Variants in GYS1 observed in about 807,000 individuals in gnomAD.
GYS1 encodes glycogen [starch] synthase, muscle.
GYS1 carries 60 observed loss-of-function variants against 89.1 expected under a neutral mutation model. That is an observed-to-expected ratio of 0.67 (90% confidence interval 0.55 to 0.84). GYS1 has a LOEUF of 0.84. GYS1 is among the 40% of genes least tolerant of loss of function. The pLI is 0.00. For missense variants in GYS1, 888 were observed against 1,003.1 expected, an observed-to-expected ratio of 0.89 and a Z score of 1.55; for synonymous variants, 366 against 401.7, an observed-to-expected ratio of 0.91 and a Z score of 1.06.
chr19:48,975,474 G>A (rs2038631384), intron 10 of GYS1, among the ~76,000 whole-genome samples: 1 of 151,968 alleles, frequency 6.6e-6, no homozygotes, highest in African/African-American at 2.4e-5. Flanking sequence ...TTACCTCCAA[G>A]GACTATGAGG....
intron 6 of GYS1, 126 bp downstream of exon 6, chr19:48,982,594 G>A (rs945661711): frequency 2.4e-5 from 21 of 871,252 alleles, no homozygotes; most frequent in Non-Finnish European, 3.4e-5. Flanking sequence ...TAAGGAGGCC[G>A]AATACCCAGG....
At position 48,974,324 on chromosome 19, in the gene GYS1, C is replaced by T; in HGVS notation, c.1438G>A (p.Glu480Lys). ...AGGGGGCTTGTGGAGGAGAGGAACT[C>T]CGGGTGGAAAATCACCTGGTAGTGA... ...ADRVKVIFHP[E>K]FLSSTSPLLP... The change falls in exon 12 of 16, where the codon GAG (glutamate) becomes AAG (lysine). Residue 480 changes from glutamate to lysine, a missense_variant. Transcript: ENST00000323798. The T allele has an allele frequency of 6.2e-7, 1 of 1,614,060 alleles. No homozygotes were observed. The highest frequency in any genetic ancestry group is 8.5e-7 in the Non-Finnish European group (1 of 1,179,990).
chr19:48,977,211 T>A (rs2038668633), intron 10 of GYS1, among the ~76,000 whole-genome samples: 1 of 152,146 alleles, frequency 6.6e-6, no homozygotes, highest in Non-Finnish European at 1.5e-5. Context: ...TCTCAAGTGA[T>A]CTTCCTGCTT....
intron 12 of GYS1, among the ~76,000 whole-genome samples, chr19:48,973,380 T>C (rs2122472205): frequency 6.6e-6 from 1 of 152,026 alleles, no homozygotes; most frequent in East Asian, 1.9e-4. Context: ...TCAATCTATC[T>C]ATAAAACAAG....
At position 48,976,954 on chromosome 19, in the gene GYS1, C is replaced by A. The variant is rs111378756; in HGVS notation, c.1308+970G>T. 3.6e-3 allele frequency among the ~76,000 whole-genome samples: 540 copies of A among 151,970 alleles called. 5 individuals carry two copies. Among genetic ancestry groups the A allele is most frequent in the African/African-American group, 0.013 (518 of 41,420 alleles). On this transcript the variant is annotated intron_variant, in intron 10 of 15. Coordinates refer to ENST00000323798, the MANE Select transcript of GYS1 (RefSeq NM_002103.5). ...CAGGTGTATGCCACTATGCCCAGCT[C>A]ATTTTTGTATTTTTGGTAGAGACAG...
chr19:48,981,436 C>A lies in GYS1; in HGVS notation c.1169+94G>T. ...AAAAACAAACAAACAAACAAACAAA[C>A]AAAACAAAAAACTGAGACTCTAGGA... On this transcript the variant is annotated intron_variant, in intron 8 of 15. Coordinates refer to ENST00000323798, the MANE Select transcript of GYS1 (RefSeq NM_002103.5). The A allele has an allele frequency of 3.8e-6, 3 of 782,820 alleles. No homozygotes were observed. The South Asian group carries it at 4.2e-5, about 11-fold the overall frequency. 48.5% of individuals were successfully genotyped at this position (782,820 alleles called of 1,614,324 possible).
Position 48,982,244 on chromosome 19 carries a change from C to T in GYS1, c.1062+11G>A, listed in dbSNP as rs372515021. Reference sequence around the variant, plus strand: ...CTTGCCCTCCCTGTCCCCTCATAGCCCAGGCCTCACTCTGAGCAGATAGTT... The same window carrying T: ...CTTGCCCTCCCTGTCCCCTCATAGCTCAGGCCTCACTCTGAGCAGATAGTT... On this transcript the variant is annotated intron_variant, in intron 7 of 15. Transcript: ENST00000323798. 9 of 1,613,092 alleles carry T rather than the reference C, an allele frequency of 5.6e-6. No individual in the cohort carries two copies. Among genetic ancestry groups the T allele is most frequent in the Non-Finnish European group, 5.9e-6 (7 of 1,179,522 alleles).
Position 48,982,380 on chromosome 19 carries a change from A to G in GYS1, c.942-5T>C. 1 of 1,613,856 alleles carries G rather than the reference A, an allele frequency of 6.2e-7. No homozygotes were observed. The highest frequency in any genetic ancestry group is 8.5e-7 in the Non-Finnish European group (1 of 1,179,848). On this transcript the variant is annotated splice_polypyrimidine_tract_variant and splice_region_variant and intron_variant, in intron 6 of 15. Coordinates refer to ENST00000323798, the MANE Select transcript of GYS1 (RefSeq NM_002103.5). ...TCCAAGTTGAAGTCCAGATGCCTAA[A>G]GAACCCACAAGGCACGGTAAAGCCC... is the stretch of plus-strand genomic sequence containing the variant.
rs146010771 is a variant in GYS1 at position 48,986,736 on chromosome 19, A to C, written c.492+458T>G. Among the ~76,000 whole-genome samples, 424 of 152,042 alleles carry C rather than the reference A, an allele frequency of 2.8e-3. 1 individual carries two copies. Among genetic ancestry groups the C allele is most frequent in the Middle Eastern group, 0.014 (4 of 294 alleles). ...CATCTTGAACTCCTGGCCTCACGTG[A>C]TCTTCCCCCATCGGCCTCCCAAAGT... is the stretch of plus-strand genomic sequence containing the variant. On this transcript the variant is annotated intron_variant, in intron 3 of 15. Coordinates refer to ENST00000323798, the MANE Select transcript of GYS1 (RefSeq NM_002103.5).
At chr19:48,977,394 A>G (rs1214821385) in intron 10 of GYS1, among the ~76,000 whole-genome samples, 3 of 152,260 alleles carry the variant, frequency 2.0e-5, no homozygotes, top group African/African-American at 7.2e-5. Context: ...GGAGCTTGAG[A>G]CTGGCCTGGC....
intron 3 of GYS1, 74 bp downstream of exon 3, chr19:48,987,120 G>T: frequency 9.3e-7 from 1 of 1,075,630 alleles, no homozygotes; most frequent in Non-Finnish European, 1.4e-6. Context: ...CCAGGGAGAA[G>T]CCCATCCTCT....
Position 48,985,856 on chromosome 19 carries a change from C to T in GYS1, c.672G>A (p.Leu224=), listed in dbSNP as rs1433073104. 1 of 1,613,228 alleles carries T rather than the reference C, an allele frequency of 6.2e-7. No individual in the cohort carries two copies. Among genetic ancestry groups the T allele is most frequent in the Non-Finnish European group, 8.5e-7 (1 of 1,180,030 alleles). ...TGCCACGGTCCCAGCTCACGTTCTC[C>T]AGGTTGTTGTAGAAGTCCACGGCAC... ...CAGAVDFYNN[L]ENFNVDKEAG... Residue 224 remains leucine (L), a synonymous_variant, in exon 4 of 16, where the codon CTG becomes CTA. Coordinates refer to ENST00000323798, the MANE Select transcript of GYS1 (RefSeq NM_002103.5).
intron 11 of GYS1, 124 bp downstream of exon 11, chr19:48,974,496 C>T: frequency 9.5e-7 from 1 of 1,050,584 alleles, no homozygotes; most frequent in Non-Finnish European, 1.5e-6. Context: ...CCTCAGAAGC[C>T]AGGGTTCTTT....
In GYS1 at chr19:48,987,385, C is replaced by T. The variant is rs374358945; in HGVS notation, c.301G>A (p.Val101Met). ...LDSMNSKGCKVYFGRWLIEGG... is the reference protein window; with the variant it reads ...LDSMNSKGCKMYFGRWLIEGG... ...TCGATCAGCCAGCGCCCGAAATACA[C>T]CTGGGATGGGGTTGGGGAGGCACCA... The change falls in exon 3 of 16, where the codon GTG becomes ATG. Residue 101 changes from valine to methionine, a missense_variant and splice_region_variant. Val to Met is a conservative substitution (Grantham distance 21, BLOSUM62 1). Coordinates refer to ENST00000323798, the MANE Select transcript of GYS1 (RefSeq NM_002103.5). The T allele has an allele frequency of 2.5e-6, 4 of 1,594,662 alleles. No homozygotes were observed. Among genetic ancestry groups the T allele is most frequent in the East Asian group, 2.3e-5 (1 of 44,428 alleles).
Position 48,970,275 on chromosome 19 carries a change from C to CCATCA in GYS1, c.1809+266_1809+270dup, listed in dbSNP as rs567906517. ...CAGTAGCTGGGACTACAGGCACGCA[C>CCATCA]CATCACGCTCGGCTGATTTTTTTTT... is the stretch of plus-strand genomic sequence containing the variant. On this transcript the variant is annotated intron_variant, in intron 14 of 15. Coordinates refer to ENST00000323798, the MANE Select transcript of GYS1 (RefSeq NM_002103.5). 1.4e-3 allele frequency: 658 copies of CCATCA among 484,622 alleles called. 1 individual carries two copies. The highest frequency in any genetic ancestry group is 0.012 in the African/African-American group (620 of 51,472). 30.0% of individuals were successfully genotyped at this position (484,622 alleles called of 1,614,324 possible).
rs569084217 is a variant in GYS1 at position 48,969,228 on chromosome 19, C to T, written c.*60G>A. On this transcript the variant is annotated 3_prime_UTR_variant, in exon 16 of 16. Transcript: ENST00000323798. ...GAGCGGGGGTTTAGGAGCAGCACCC[C>T]TCTGCATCCTCTCTCTGGAGCAGAG... 5.0e-5 allele frequency: 73 copies of T among 1,446,792 alleles called. No individual in the cohort carries two copies. The South Asian group carries it at 9.0e-4, about 18-fold the overall frequency. The allele number at this position is 1,446,792 out of a possible 1,614,324, so 89.6% of individuals were successfully genotyped here.
At chr19:48,974,140 G>T in intron 12 of GYS1, 73 bp downstream of exon 12, 1 of 1,492,668 alleles carries the variant, frequency 6.7e-7, no homozygotes. Flanking sequence ...GAGAAGGCCA[G>T]TGCCTCGCCC....
Position 48,985,782 on chromosome 19 carries a change from G to A in GYS1, c.678+68C>T, listed in dbSNP as rs576957177. ...GGAGAAGAGGGGGTGCCATCCCCTT[G>A]GGCCCCCCAGAGCTTTGGGTTTTCC... On this transcript the variant is annotated intron_variant, in intron 4 of 15. Coordinates refer to ENST00000323798, the MANE Select transcript of GYS1 (RefSeq NM_002103.5). The A allele has an allele frequency of 3.2e-6, 5 of 1,563,866 alleles. No homozygotes were observed. In the Admixed American group the frequency reaches 8.4e-5, roughly 26 times the overall value.
chr19:48,979,646 CTTTTTT>C (rs56291141), intron 8 of GYS1, among the ~76,000 whole-genome samples: 4 of 114,974 alleles, frequency 3.5e-5, no homozygotes, highest in Non-Finnish European at 3.6e-5. Flanking sequence ...CTCTTTCTTT[CTTTTTT>C]TTTTTTTTTT....
Sources: gnomAD v4.1 joint callset for allele counts (sites outside exome capture counted in the v4.1 genomes callset) on GRCh38, gnomAD v4.1.1 for gene constraint, MANE v1.5 for transcripts, NCBI Gene and HGNC (gene_info 2026-07-23, HGNC 2026-07-21) for gene names.